Variants in SRGN observed in about 807,000 individuals in gnomAD.
The protein encoded by SRGN is hematopoetic proteoglycan core peptide.
In SRGN, 2 loss-of-function variants were observed where a neutral mutation model predicts 9.5. The ratio of observed to expected loss-of-function variants is 0.21; its 90% CI spans 0.09 to 0.66. The LOEUF is 0.66. Ranked by LOEUF, SRGN falls within the 30% of genes least tolerant of loss-of-function variation. The pLI, the probability that SRGN is intolerant of heterozygous loss-of-function variation, is 0.83. For missense variants in SRGN, 170 were observed against 192.4 expected (o/e 0.88, Z 0.69); for synonymous variants, 59 against 72.3 (o/e 0.82, Z 0.93).
At chr10:69,099,985 G>A (rs1840256410) in intron 2 of SRGN, among the ~76,000 whole-genome samples, 1 of 152,126 alleles carries the variant, frequency 6.6e-6, no homozygotes, top group African/African-American at 2.4e-5. Context: ...AACACTTTGG[G>A]AGGCCGAGGC....
At chr10:69,088,406 T>C (rs984887569) in intron 1 of SRGN, among the ~76,000 whole-genome samples, 170 bp downstream of exon 1, 10 of 152,202 alleles carry the variant, frequency 6.6e-5, no homozygotes, top group African/African-American at 2.2e-4. Context: ...TTAAGTTTGG[T>C]ACCAAGAAAA....
rs1839979043 is a variant in SRGN at position 69,088,204 on chromosome 10, C to T, written c.47C>T (p.Ala16Val). 11 of 1,614,012 alleles carry T rather than the reference C, an allele frequency of 6.8e-6. No individual in the cohort carries two copies. Among genetic ancestry groups the T allele is most frequent in the East Asian group, 2.2e-5 (1 of 44,900 alleles). The change falls in exon 1 of 3, where the codon GCC becomes GTC. Residue 16 changes from alanine (A) to valine (V), a missense_variant. Coordinates refer to ENST00000242465, the MANE Select transcript of SRGN (RefSeq NM_002727.4). The stretch of plus-strand genomic sequence containing the variant: ...TGCAGTCGGCTTGTCCTGGCTCTTG[C>T]CCTCATCCTGGTTCTGGAATCCTCA... ...LKCSRLVLAL[A>V]LILVLESSVQ...
intron 1 of SRGN, among the ~76,000 whole-genome samples, chr10:69,093,600 G>A (rs1033985655): frequency 3.3e-5 from 5 of 152,162 alleles, no homozygotes; most frequent in African/African-American, 1.2e-4. Flanking sequence ...AAACCAGGCC[G>A]GGCGCGGTGG....
At position 69,104,047 on chromosome 10, in the gene SRGN, C is replaced by T; in HGVS notation, c.404C>T (p.Ser135Phe). ...GATGCTTTCCATGACAACCTTAGGT[C>T]TCTTGACAGGAATCTGCCCTCAGAC... is the stretch of plus-strand genomic sequence containing the variant. The part of the protein sequence containing the change: ...ESDAFHDNLR[S>F]LDRNLPSDSQ... Residue 135 changes from serine (S) to phenylalanine (F), a missense_variant, in exon 3 of 3, where the codon TCT (serine) becomes TTT (phenylalanine). Physicochemically the swap from Ser to Phe is radical, Grantham distance 155 (BLOSUM62 -2). Transcript: ENST00000242465. 1 of 1,614,180 alleles carries T rather than the reference C, an allele frequency of 6.2e-7. No homozygotes were observed. The highest frequency in any genetic ancestry group is 1.7e-5 in the Admixed American group (1 of 60,016).
chr10:69,094,924 A>T (rs2132155888), intron 1 of SRGN, among the ~76,000 whole-genome samples: 1 of 147,910 alleles, frequency 6.8e-6, no homozygotes, highest in East Asian at 2.0e-4. Context: ...TTATTTTATT[A>T]AAAAAAAAAG....
Position 69,104,204 on chromosome 10 carries a change from G to T in SRGN, c.*84G>T, listed in dbSNP as rs1436775707. The T allele has an allele frequency of 3.4e-6, 5 of 1,470,776 alleles. No homozygotes were observed. Among genetic ancestry groups the T allele is most frequent in the African/African-American group, 1.4e-5 (1 of 70,408 alleles). The allele number at this position is 1,470,776 out of a possible 1,614,324, so 91.1% of individuals were successfully genotyped here. On this transcript the variant is annotated 3_prime_UTR_variant, in exon 3 of 3. Coordinates refer to ENST00000242465, the MANE Select transcript of SRGN (RefSeq NM_002727.4). Reference sequence around the variant, plus strand: ...GTTATATGATTAATCTTGGGACAAAGAATTTTATAGAAATTTTTAAACATC... The same window carrying T: ...GTTATATGATTAATCTTGGGACAAATAATTTTATAGAAATTTTTAAACATC...
chr10:69,097,477 A>T (rs1345206204), intron 2 of SRGN, among the ~76,000 whole-genome samples: 3 of 134,814 alleles, frequency 2.2e-5, no homozygotes, highest in Non-Finnish European at 4.6e-5. Flanking sequence ...CTCAGGCTGG[A>T]GTGCAGTGGC....
chr10:69,101,647 G>GC (rs965082101), intron 2 of SRGN, among the ~76,000 whole-genome samples: 6 of 152,058 alleles, frequency 3.9e-5, no homozygotes, highest in Non-Finnish European at 5.9e-5. Context: ...ACCCATGCCT[G>GC]CCCCCTCCTT....
rs377654186 is a variant in SRGN, at chr10:69,097,519, T to C, written c.227+288T>C. On this transcript the variant is annotated intron_variant, in intron 2 of 2. Coordinates refer to ENST00000242465, the MANE Select transcript of SRGN (RefSeq NM_002727.4). ...TCGGCTCACTGCAAGCTCCACCTCCTGGGTTCACGCCATTCTCCCGCCTCA... is the reference window on the plus strand; with the variant it reads ...TCGGCTCACTGCAAGCTCCACCTCCCGGGTTCACGCCATTCTCCCGCCTCA... Among the ~76,000 whole-genome samples the C allele has an allele frequency of 4.1e-4, 61 of 147,512 alleles. 2 individuals carry two copies. The East Asian group carries it at 9.8e-3, about 24-fold the overall frequency.
At chr10:69,091,316 C>CA (rs1212137594) in intron 1 of SRGN, among the ~76,000 whole-genome samples, 1 of 152,084 alleles carries the variant, frequency 6.6e-6, no homozygotes, top group Non-Finnish European at 1.5e-5. Flanking sequence ...AACAAACAAA[C>CA]AAAAAATCCT....
intron 2 of SRGN, among the ~76,000 whole-genome samples, chr10:69,099,588 A>G (rs1451438736): frequency 6.6e-6 from 1 of 152,130 alleles, no homozygotes; most frequent in Non-Finnish European, 1.5e-5. Context: ...TACAGTCATG[A>G]GCCACCATTC....
intron 1 of SRGN, among the ~76,000 whole-genome samples, chr10:69,090,952 A>T (rs1483383153): frequency 6.6e-6 from 1 of 152,152 alleles, no homozygotes; most frequent in African/African-American, 2.4e-5. Flanking sequence ...ATATCCATGA[A>T]CAGGTGCAGC....
At chr10:69,103,356 A>C (rs1175502895) in intron 2 of SRGN, among the ~76,000 whole-genome samples, 1 of 152,052 alleles carries the variant, frequency 6.6e-6, no homozygotes, top group Non-Finnish European at 1.5e-5. Flanking sequence ...CAGCCTGGCC[A>C]ATATGGTGAA....
At chr10:69,088,909 G>T (rs1231230065) in intron 1 of SRGN, among the ~76,000 whole-genome samples, 1 of 152,134 alleles carries the variant, frequency 6.6e-6, no homozygotes, top group Non-Finnish European at 1.5e-5. Context: ...TAGTCAGACT[G>T]AAACAACTTA....
rs776748373 is a variant in SRGN, at chr10:69,088,237, G to A, written c.79+1G>A. 6.2e-7 allele frequency: 1 copy of A among 1,613,860 alleles called. No homozygotes were observed. The highest frequency in any genetic ancestry group is 2.2e-5 in the East Asian group (1 of 44,890). Reference sequence around the variant, plus strand: ...CTGGTTCTGGAATCCTCAGTTCAAGGTAAGACTCAGGAGTCTTGTTCCCCA... The same window carrying A: ...CTGGTTCTGGAATCCTCAGTTCAAGATAAGACTCAGGAGTCTTGTTCCCCA... On this transcript the variant is annotated splice_donor_variant, in intron 1 of 2. Coordinates refer to ENST00000242465, the MANE Select transcript of SRGN (RefSeq NM_002727.4). LOFTEE classifies it high-confidence loss of function.
At chr10:69,097,026 C>A (rs935115670) in intron 1 of SRGN, 58 bp from the exon 2 acceptor site, 14 of 1,566,124 alleles carry the variant, frequency 8.9e-6, no homozygotes, top group Middle Eastern at 1.7e-4. Flanking sequence ...CTTCTTAGGA[C>A]AGAGTGATTA....
At chr10:69,093,525 C>A (rs980474751) in intron 1 of SRGN, among the ~76,000 whole-genome samples, 1 of 152,114 alleles carries the variant, frequency 6.6e-6, no homozygotes, top group Admixed American at 6.6e-5. Flanking sequence ...CAGGAAGAGA[C>A]GTCTAAGTAG....
At chr10:69,090,218 C>T (rs1250856283) in intron 1 of SRGN, among the ~76,000 whole-genome samples, 1 of 152,188 alleles carries the variant, frequency 6.6e-6, no homozygotes, top group Non-Finnish European at 1.5e-5. Context: ...ACCATTTCCT[C>T]ACACCTCCAC....
chr10:69,089,713 G>A (rs540018987), intron 1 of SRGN, among the ~76,000 whole-genome samples: 2 of 151,912 alleles, frequency 1.3e-5, no homozygotes, highest in African/African-American at 4.8e-5. Context: ...GGCCAACATA[G>A]TGAAATCCCG....
Sources: gnomAD v4.1 joint callset for allele counts (sites outside exome capture counted in the v4.1 genomes callset) on GRCh38, gnomAD v4.1.1 for gene constraint, MANE v1.5 for transcripts, NCBI Gene and HGNC (gene_info 2026-07-23, HGNC 2026-07-21) for gene names.